The following OR14I1 variants were observed in gnomAD, a reference collection of about 807,000 sequenced individuals.
OR14I1 encodes the protein olfactory receptor family 14 subfamily I member 1.
For missense variants in OR14I1, 279 were observed against 181.8 expected, an observed-to-expected ratio of 1.53 and a Z score of -3.07; for synonymous variants, 118 against 71.1, an observed-to-expected ratio of 1.66 and a Z score of -3.32.
At chr1:248,683,532 C>A (rs149218794), upstream of OR14I1, among the ~76,000 whole-genome samples, 638 of 152,226 alleles carry the variant, frequency 4.2e-3, 5 homozygotes, top group South Asian at 0.013. Context: ...CCCTTGCTAC[C>A]AGGCAAATGT....
chr1:248,698,722 T>G, the OR14I1 span: 34 of 152,376 alleles, frequency 2.2e-4, no homozygotes, highest in African/African-American at 7.7e-4. Flanking sequence ...TTGCCTCTGC[T>G]GCAGAGAGCC....
chr1:248,687,120 G>GAAGT (rs1661670926), upstream of OR14I1, among the ~76,000 whole-genome samples: 1 of 152,192 alleles, frequency 6.6e-6, no homozygotes, highest in Non-Finnish European at 1.5e-5. Context: ...AGTCCGTGAG[G>GAAGT]AAGTGATGAG....
the OR14I1 span, among the ~76,000 whole-genome samples, chr1:248,687,552 A>G: frequency 2.6e-5 from 4 of 152,242 alleles, no homozygotes; most frequent in Non-Finnish European, 1.5e-5. Context: ...TAGGAGATAT[A>G]TATTTTATCA....
chr1:248,694,967 G>A, the OR14I1 span, among the ~76,000 whole-genome samples: 1 of 152,164 alleles, frequency 6.6e-6, no homozygotes, highest in South Asian at 2.1e-4. Context: ...TGAGACTGGT[G>A]TGACTAAGGA....
At chr1:248,682,366 A>G (rs1448861802), upstream of OR14I1, 22 of 669,570 alleles carry the variant, frequency 3.3e-5, no homozygotes, top group East Asian at 5.5e-4. Context: ...TAAATGAGAC[A>G]AAAAGTGAAC....
chr1:248,701,911 G>C, the OR14I1 span, among the ~76,000 whole-genome samples: 3 of 152,132 alleles, frequency 2.0e-5, no homozygotes, highest in Non-Finnish European at 4.4e-5. Flanking sequence ...ATTGGCTCAC[G>C]GTTCTGCAGG....
At chr1:248,691,674 G>A in the OR14I1 span, 1 of 152,518 alleles carries the variant, frequency 6.6e-6, no homozygotes, top group African/African-American at 2.4e-5. Flanking sequence ...GCTCCCAGAG[G>A]GCGGGAAGAG....
the OR14I1 span, among the ~76,000 whole-genome samples, chr1:248,696,466 G>C: frequency 6.6e-6 from 1 of 152,114 alleles, no homozygotes; most frequent in African/African-American, 2.4e-5. Context: ...GAATGGAAGC[G>C]GGGAATCAGT....
At chr1:248,684,753 C>CACATAT (rs748883170), upstream of OR14I1, among the ~76,000 whole-genome samples, 20 of 148,336 alleles carry the variant, frequency 1.3e-4, no homozygotes, top group African/African-American at 5.2e-4. Flanking sequence ...AATACACACA[C>CACATAT]ATACATATAT....
chr1:248,686,652 T>G (rs2103135928), upstream of OR14I1, among the ~76,000 whole-genome samples: 1 of 123,120 alleles, frequency 8.1e-6, no homozygotes, highest in African/African-American at 2.9e-5. Context: ...TAAGCAAACA[T>G]GTCTTGATTT....
upstream of OR14I1, among the ~76,000 whole-genome samples, chr1:248,684,138 A>T (rs141730537): frequency 6.6e-6 from 1 of 152,376 alleles, no homozygotes; most frequent in East Asian, 1.9e-4. Context: ...ATAAACGACA[A>T]ACTATAAAAA....
At chr1:248,679,721 G>A (rs1661527241), downstream of OR14I1, among the ~76,000 whole-genome samples, 1 of 152,134 alleles carries the variant, frequency 6.6e-6, no homozygotes, top group Non-Finnish European at 1.5e-5. Context: ...ATAAATTTCA[G>A]GTCTAGAAGC....
At chr1:248,701,220 C>T in the OR14I1 span, among the ~76,000 whole-genome samples, 2 of 152,076 alleles carry the variant, frequency 1.3e-5, no homozygotes, top group East Asian at 1.9e-4. Context: ...GGCACCATCT[C>T]GGCTCACTGC....
At chr1:248,697,031 T>C in the OR14I1 span, 1 of 152,174 alleles carries the variant, frequency 6.6e-6, no homozygotes, top group East Asian at 1.9e-4. Flanking sequence ...TTTTTAACAG[T>C]CTCCTGGGAG....
At chr1:248,696,708 G>A in the OR14I1 span, among the ~76,000 whole-genome samples, 4 of 152,106 alleles carry the variant, frequency 2.6e-5, no homozygotes. Flanking sequence ...GACCAACCCC[G>A]TGAATTATCC....
At chr1:248,693,333 G>A in the OR14I1 span, among the ~76,000 whole-genome samples, 1 of 152,084 alleles carries the variant, frequency 6.6e-6, no homozygotes, top group Non-Finnish European at 1.5e-5. Flanking sequence ...GGTTCCCTCA[G>A]CCTCTCAAAG....
the OR14I1 span, chr1:248,697,225 A>G: frequency 6.6e-6 from 1 of 152,190 alleles, no homozygotes; most frequent in Non-Finnish European, 1.5e-5. Flanking sequence ...TCTAGGATGT[A>G]CTGGTATTCT....
the OR14I1 span, among the ~76,000 whole-genome samples, chr1:248,698,515 C>G: frequency 0.17 from 26,057 of 152,004 alleles, 2,652 homozygotes; most frequent in African/African-American, 0.29. Flanking sequence ...ACAGGATACC[C>G]CTAACAAAGT....
chr1:248,680,969 T>C (rs920923456), downstream of OR14I1, among the ~76,000 whole-genome samples: 13 of 121,378 alleles, frequency 1.1e-4, no homozygotes, highest in African/African-American at 4.3e-4. Context: ...ACTGTGTGCG[T>C]GTGTGTGTGT....
Sources: gnomAD v4.1 joint callset for allele counts (sites outside exome capture counted in the v4.1 genomes callset) on GRCh38, gnomAD v4.1.1 for gene constraint, MANE v1.5 for transcripts, NCBI Gene and HGNC (gene_info 2026-07-23, HGNC 2026-07-21) for gene names.